The following GRIN2A variants were observed in gnomAD, a reference collection of about 807,000 sequenced individuals.
The protein encoded by GRIN2A is glutamate receptor ionotropic, NMDA 2A.
In GRIN2A, 22 loss-of-function variants were observed where a neutral mutation model predicts 113.4. The ratio of observed to expected loss-of-function variants is 0.19; its 90% CI spans 0.14 to 0.28. GRIN2A has a LOEUF of 0.28. Among genes scored for constraint, GRIN2A ranks in the 10% least tolerant of loss-of-function variants. The pLI is 1.00. For missense variants in GRIN2A, 1,502 were observed against 1,887.0 expected, an observed-to-expected ratio of 0.80 and a Z score of 3.78; for synonymous variants, 827 against 738.4, an observed-to-expected ratio of 1.12 and a Z score of -1.94.
intron 2 of GRIN2A, among the ~76,000 whole-genome samples, chr16:10,117,618 TC>T (rs2048751737): frequency 6.6e-6 from 1 of 152,174 alleles, no homozygotes; most frequent in African/African-American, 2.4e-5. Context: ...CCCGAACTGT[TC>T]ACAGGGACCA....
intron 12 of GRIN2A, among the ~76,000 whole-genome samples, chr16:9,767,594 A>C (rs536712055): frequency 3.2e-4 from 48 of 152,134 alleles, no homozygotes; most frequent in Non-Finnish European, 6.0e-4. Flanking sequence ...ACAAAAAAAA[A>C]CACAAACAAA....
At chr16:10,031,879 T>C (rs2046936030) in intron 2 of GRIN2A, among the ~76,000 whole-genome samples, 3 of 152,160 alleles carry the variant, frequency 2.0e-5, no homozygotes, top group Admixed American at 6.5e-5. Flanking sequence ...GACCAGACAT[T>C]TGCTATGATC....
chr16:9,938,566 A>C lies in GRIN2A; in HGVS notation c.415-15T>G, dbSNP rs1057522859. 9 of 1,586,942 alleles carry C rather than the reference A, an allele frequency of 5.7e-6. No individual in the cohort carries two copies. The highest frequency in any genetic ancestry group is 7.7e-6 in the Non-Finnish European group (9 of 1,167,610). ...GACGTCGGATCCTGCCAGTGAAAAGAAAGTAAAACAGAGGATGAGGCAGGA... is the reference window on the plus strand; with the variant it reads ...GACGTCGGATCCTGCCAGTGAAAAGCAAGTAAAACAGAGGATGAGGCAGGA... On this transcript the variant is annotated splice_polypyrimidine_tract_variant and intron_variant, in intron 2 of 12. Transcript: ENST00000330684.
chr16:10,179,895 C>A, intron 2 of GRIN2A, 103 bp downstream of exon 2: 2 of 808,160 alleles, frequency 2.5e-6, no homozygotes, highest in Non-Finnish European at 4.1e-6. Context: ...CCCACCCCCA[C>A]TTCACATCAA....
chr16:9,833,962 C>G (rs1273697016), intron 8 of GRIN2A, 143 bp downstream of exon 8: 1 of 803,262 alleles, frequency 1.2e-6, no homozygotes, highest in African/African-American at 1.7e-5. Context: ...CATGATCCAC[C>G]CACCTCGGTC....
At chr16:10,097,854 G>A (rs900619252) in intron 2 of GRIN2A, among the ~76,000 whole-genome samples, 3 of 152,106 alleles carry the variant, frequency 2.0e-5, no homozygotes, top group Admixed American at 2.0e-4. Context: ...AAGGTAACAC[G>A]GGAAAATCCC....
chr16:9,951,018 C>T (rs2141672722), intron 2 of GRIN2A, among the ~76,000 whole-genome samples: 1 of 152,228 alleles, frequency 6.6e-6, no homozygotes, highest in East Asian at 1.9e-4. Flanking sequence ...TGCTCTTCAC[C>T]ACTGACAACG....
chr16:10,175,716 C>G (rs2050129258), intron 2 of GRIN2A, among the ~76,000 whole-genome samples: 1 of 152,096 alleles, frequency 6.6e-6, no homozygotes, highest in Admixed American at 6.5e-5. Flanking sequence ...GAAAACGAAA[C>G]CCAAGTGATA....
At chr16:9,862,477 T>G (rs555085193) in intron 4 of GRIN2A, among the ~76,000 whole-genome samples, 2 of 152,298 alleles carry the variant, frequency 1.3e-5, no homozygotes, top group South Asian at 4.2e-4. Context: ...GCTTCCATTC[T>G]CCTCTTGAGG....
intron 2 of GRIN2A, among the ~76,000 whole-genome samples, chr16:10,015,109 C>T (rs1393255272): frequency 1.3e-5 from 2 of 151,474 alleles, no homozygotes; most frequent in South Asian, 2.1e-4. Flanking sequence ...CAAAAATTAG[C>T]TGGGCATGGT....
At chr16:9,801,751 T>C (rs766590855) in intron 10 of GRIN2A, among the ~76,000 whole-genome samples, 1 of 152,162 alleles carries the variant, frequency 6.6e-6, no homozygotes, top group African/African-American at 2.4e-5. Flanking sequence ...TTGGCATGAC[T>C]GGGGTGGGCT....
At chr16:9,775,022 G>C (rs1901510729) in intron 11 of GRIN2A, among the ~76,000 whole-genome samples, 1 of 152,136 alleles carries the variant, frequency 6.6e-6, no homozygotes, top group South Asian at 2.1e-4. Context: ...ACTTCCAGAG[G>C]AACTGCAGTT....
intron 2 of GRIN2A, among the ~76,000 whole-genome samples, chr16:10,008,051 A>G (rs2046436012): frequency 6.6e-6 from 1 of 152,330 alleles, no homozygotes; most frequent in South Asian, 2.1e-4. Flanking sequence ...AGTACATGGC[A>G]TACAGTAGGC....
chr16:9,899,394 C>A (rs527539024), intron 3 of GRIN2A, among the ~76,000 whole-genome samples: 3 of 137,322 alleles, frequency 2.2e-5, no homozygotes, highest in Admixed American at 8.0e-5. Flanking sequence ...GAGTGGAGAT[C>A]GCACCATTGC....
chr16:10,009,881 C>T (rs1288394512), intron 2 of GRIN2A, among the ~76,000 whole-genome samples: 2 of 152,204 alleles, frequency 1.3e-5, no homozygotes, highest in Admixed American at 6.5e-5. Context: ...AAAGAAGTCA[C>T]GTGGGACCAC....
chr16:9,901,294 G>T (rs986617317), intron 3 of GRIN2A, among the ~76,000 whole-genome samples: 2 of 152,072 alleles, frequency 1.3e-5, no homozygotes, highest in Non-Finnish European at 1.5e-5. Flanking sequence ...TGTCCAGTGG[G>T]TGTCTACCTG....
chr16:9,815,398 A>C (rs934722029), intron 10 of GRIN2A, among the ~76,000 whole-genome samples: 9 of 148,320 alleles, frequency 6.1e-5, no homozygotes, highest in Admixed American at 2.0e-4. Context: ...AGAACTCTTA[A>C]AACCTAACAA....
chr16:9,993,768 C>T (rs2046171541), intron 2 of GRIN2A, among the ~76,000 whole-genome samples: 2 of 152,098 alleles, frequency 1.3e-5, no homozygotes, highest in East Asian at 1.9e-4. Flanking sequence ...TAAATCTGCC[C>T]CTAACTCCAA....
intron 2 of GRIN2A, among the ~76,000 whole-genome samples, chr16:10,083,363 T>G (rs994971092): frequency 4.6e-5 from 7 of 152,224 alleles, no homozygotes; most frequent in African/African-American, 1.7e-4. Context: ...GGACACAATA[T>G]TTAATGAAGT....
Sources: allele counts gnomAD v4.1 joint callset (sites outside exome capture counted in the v4.1 genomes callset), GRCh38; gene constraint gnomAD v4.1.1; transcripts MANE v1.5; gene names NCBI Gene and HGNC (gene_info 2026-07-23, HGNC 2026-07-21).